CADPS2: variants seen among roughly 807,000 people sequenced by gnomAD.
The protein encoded by CADPS2 is calcium dependent secretion activator 2.
Under a neutral mutation model 172.5 loss-of-function variants are expected in CADPS2, and 93 were observed. That is an observed-to-expected ratio of 0.54 (90% CI 0.46 to 0.64). CADPS2 has a LOEUF of 0.64. Among genes scored for constraint, CADPS2 ranks in the 30% least tolerant of loss-of-function variants. CADPS2 has a pLI of 0.00. For missense variants in CADPS2, 1,420 were observed against 1,565.9 expected (o/e 0.91, Z 1.57); for synonymous variants, 546 against 555.2 (o/e 0.98, Z 0.23).
intron 1 of CADPS2, among the ~76,000 whole-genome samples, chr7:122,737,424 T>C (rs2092235883): frequency 6.6e-6 from 1 of 152,186 alleles, no homozygotes; most frequent in Non-Finnish European, 1.5e-5. Context: ...TTGGCCAGAC[T>C]GGTCTCAAAC....
chr7:122,681,914 CT>C (rs994293857), intron 2 of CADPS2, among the ~76,000 whole-genome samples: 30 of 147,156 alleles, frequency 2.0e-4, no homozygotes, highest in South Asian at 4.3e-4. Context: ...AAGCATAAAG[CT>C]TTTTTTTTTG....
chr7:122,615,824 T>C (rs1209700803), intron 5 of CADPS2, among the ~76,000 whole-genome samples: 2 of 152,108 alleles, frequency 1.3e-5, no homozygotes, highest in African/African-American at 4.8e-5. Flanking sequence ...AAGAGTTTAA[T>C]TTATGGACTG....
intron 17 of CADPS2, among the ~76,000 whole-genome samples, chr7:122,433,258 G>A (rs1032140410): frequency 1.3e-5 from 2 of 151,994 alleles, no homozygotes; most frequent in Non-Finnish European, 2.9e-5. Context: ...TGGGATCACA[G>A]GCATGAGCCA....
chr7:122,586,974 T>C (rs1182936677), intron 6 of CADPS2, among the ~76,000 whole-genome samples: 2 of 151,856 alleles, frequency 1.3e-5, no homozygotes, highest in African/African-American at 4.8e-5. Flanking sequence ...CAAATAAAAA[T>C]GACATATATT....
chr7:122,359,356 C>G (rs1563143644), intron 27 of CADPS2, among the ~76,000 whole-genome samples: 1 of 152,018 alleles, frequency 6.6e-6, no homozygotes, highest in Non-Finnish European at 1.5e-5. Flanking sequence ...AATAATTAAA[C>G]AGCACCCAAG....
intron 1 of CADPS2, among the ~76,000 whole-genome samples, chr7:122,858,310 C>G (rs940088091): frequency 6.6e-6 from 1 of 152,054 alleles, no homozygotes; most frequent in Non-Finnish European, 1.5e-5. Context: ...TGCAATATAC[C>G]CACAAACTCT....
At chr7:122,715,818 G>T (rs1056624026) in intron 2 of CADPS2, among the ~76,000 whole-genome samples, 1 of 151,920 alleles carries the variant, frequency 6.6e-6, no homozygotes, top group Non-Finnish European at 1.5e-5. Context: ...AAAGCTTAAA[G>T]TCATCCACCC....
At chr7:122,839,306 G>C (rs925349051) in intron 1 of CADPS2, among the ~76,000 whole-genome samples, 3 of 152,008 alleles carry the variant, frequency 2.0e-5, no homozygotes, top group Non-Finnish European at 2.9e-5. Flanking sequence ...TTAAATGTTA[G>C]ACCTAAAACC....
At chr7:122,472,404 T>C (rs890926331) in intron 13 of CADPS2, among the ~76,000 whole-genome samples, 52 of 152,166 alleles carry the variant, frequency 3.4e-4, no homozygotes, top group African/African-American at 1.3e-3. Context: ...GTGGTATTTA[T>C]ATGCTTTCCA....
At chr7:122,488,220 T>C (rs1384279797) in intron 11 of CADPS2, among the ~76,000 whole-genome samples, 2 of 152,168 alleles carry the variant, frequency 1.3e-5, no homozygotes, top group Non-Finnish European at 1.5e-5. Context: ...GAGTTAATGT[T>C]GTGCTGGGGG....
At chr7:122,429,832 T>C (rs1199804111) in intron 17 of CADPS2, among the ~76,000 whole-genome samples, 1 of 152,018 alleles carries the variant, frequency 6.6e-6, no homozygotes, top group Non-Finnish European at 1.5e-5. Context: ...CTTAGAAATA[T>C]TAGTAAAAAT....
intron 6 of CADPS2, among the ~76,000 whole-genome samples, chr7:122,604,582 T>C (rs2073244778): frequency 6.6e-6 from 1 of 152,122 alleles, no homozygotes; most frequent in African/African-American, 2.4e-5. Flanking sequence ...CACTAAAGTC[T>C]TTAGAGTTCA....
At chr7:122,734,356 TAAAAAAAAAA>T (rs558421546) in intron 2 of CADPS2, among the ~76,000 whole-genome samples, 10 of 46,280 alleles carry the variant, frequency 2.2e-4, no homozygotes, top group South Asian at 1.2e-3. Flanking sequence ...CCAGAAATAG[TAAAAAAAAAA>T]AAAAAAAAAA....
chr7:122,713,180 T>C (rs528342064), intron 2 of CADPS2, among the ~76,000 whole-genome samples: 3 of 152,280 alleles, frequency 2.0e-5, no homozygotes, highest in East Asian at 3.9e-4. Context: ...AATTTTTATA[T>C]TTAAAAACAA....
chr7:122,477,243 T>C (rs1039083219), intron 12 of CADPS2, among the ~76,000 whole-genome samples: 1 of 152,156 alleles, frequency 6.6e-6, no homozygotes, highest in African/African-American at 2.4e-5. Context: ...ACGGGCACAA[T>C]GGCTCATGCC....
intron 1 of CADPS2, among the ~76,000 whole-genome samples, chr7:122,771,991 A>G (rs1177153887): frequency 2.0e-5 from 3 of 152,186 alleles, no homozygotes; most frequent in Non-Finnish European, 4.4e-5. Context: ...AGACCAGGTG[A>G]GGAACAGTGA....
At chr7:122,385,236 T>TAAC (rs1175812312) in intron 24 of CADPS2, among the ~76,000 whole-genome samples, 1 of 152,118 alleles carries the variant, frequency 6.6e-6, no homozygotes, top group East Asian at 1.9e-4. Context: ...GAACATTCTA[T>TAAC]AACACATATC....
chr7:122,705,039 G>C (rs1027244446), intron 2 of CADPS2, among the ~76,000 whole-genome samples: 3 of 151,996 alleles, frequency 2.0e-5, no homozygotes, highest in African/African-American at 7.2e-5. Flanking sequence ...CCGATGGGTG[G>C]TCAGGTATAA....
intron 2 of CADPS2, among the ~76,000 whole-genome samples, chr7:122,691,540 G>A (rs1054583949): frequency 6.6e-6 from 1 of 152,212 alleles, no homozygotes; most frequent in Non-Finnish European, 1.5e-5. Context: ...CCCAGGCAAG[G>A]TGGGCATTGC....
Sources: gnomAD v4.1 joint callset for allele counts (sites outside exome capture counted in the v4.1 genomes callset) on GRCh38, gnomAD v4.1.1 for gene constraint, MANE v1.5 for transcripts, NCBI Gene and HGNC (gene_info 2026-07-23, HGNC 2026-07-21) for gene names.